The following PCDH15 variants were observed in gnomAD, a reference collection of about 807,000 sequenced individuals.
The protein encoded by PCDH15 is protocadherin-15.
A neutral mutation model predicts 178.5 loss-of-function variants in PCDH15; 129 were observed. The observed-to-expected ratio is 0.72, with a 90% CI of 0.63 to 0.84. The LOEUF (loss-of-function observed/expected upper bound fraction) is 0.84. Ranked by LOEUF, PCDH15 falls within the 40% of genes least tolerant of loss-of-function variation. PCDH15 has a pLI of 0.00. For missense variants in PCDH15, 2,230 were observed against 2,099.9 expected (o/e 1.06, Z -1.21); for synonymous variants, 800 against 732.0 (o/e 1.09, Z -1.50).
At chr10:54,810,201 G>A (rs1952841076) in intron 3 of PCDH15, among the ~76,000 whole-genome samples, 1 of 152,134 alleles carries the variant, frequency 6.6e-6, no homozygotes, top group South Asian at 2.1e-4. Context: ...GGCATCTTAT[G>A]ATAAGTGGGT....
At chr10:54,070,969 G>A (rs2094230664) in intron 17 of PCDH15, among the ~76,000 whole-genome samples, 1 of 152,050 alleles carries the variant, frequency 6.6e-6, no homozygotes. Context: ...GTCAAAGAAA[G>A]TAGTGTAAAT....
chr10:54,161,969 C>T (rs777226694), intron 13 of PCDH15, among the ~76,000 whole-genome samples: 12 of 152,228 alleles, frequency 7.9e-5, no homozygotes, highest in Non-Finnish European at 7.4e-5. Flanking sequence ...GTGAAGCAAG[C>T]AGCAGGACCT....
chr10:55,626,671 CTTTT>C (rs889297933), intron 2 of PCDH15, among the ~76,000 whole-genome samples: 1 of 152,076 alleles, frequency 6.6e-6, no homozygotes, highest in African/African-American at 2.4e-5. Context: ...AATCAAGGGC[CTTTT>C]CTAACAATTC....
intron 3 of PCDH15, among the ~76,000 whole-genome samples, chr10:54,831,846 C>G (rs1342795656): frequency 6.6e-6 from 1 of 151,938 alleles, no homozygotes; most frequent in African/African-American, 2.4e-5. Flanking sequence ...AAATAAAAGA[C>G]AAAGTATAAA....
At chr10:54,300,410 C>CA (rs2060078950) in intron 8 of PCDH15, among the ~76,000 whole-genome samples, 1 of 152,184 alleles carries the variant, frequency 6.6e-6, no homozygotes, top group Non-Finnish European at 1.5e-5. Flanking sequence ...GATAGTCTTA[C>CA]AAATGGAACC....
intron 1 of PCDH15, among the ~76,000 whole-genome samples, chr10:54,751,697 G>T (rs1330504994): frequency 6.6e-6 from 1 of 151,992 alleles, no homozygotes; most frequent in Non-Finnish European, 1.5e-5. Flanking sequence ...GTTACATCAA[G>T]AAAACAGATT....
At chr10:54,914,259 T>C (rs1275487918) in intron 2 of PCDH15, among the ~76,000 whole-genome samples, 1 of 152,106 alleles carries the variant, frequency 6.6e-6, no homozygotes, top group East Asian at 1.9e-4. Context: ...GTTCTCATGA[T>C]AGGGAGTGAG....
intron 2 of PCDH15, among the ~76,000 whole-genome samples, chr10:54,643,881 A>C (rs1163434087): frequency 1.3e-5 from 2 of 149,366 alleles, no homozygotes; most frequent in African/African-American, 4.9e-5. Context: ...GGTTAGTTAC[A>C]TATGTATACA....
intron 2 of PCDH15, among the ~76,000 whole-genome samples, chr10:54,562,406 G>A (rs1232111478): frequency 1.3e-5 from 2 of 152,064 alleles, no homozygotes; most frequent in Non-Finnish European, 2.9e-5. Flanking sequence ...ACTCAATATT[G>A]ATATCAAGAA....
intron 1 of PCDH15, among the ~76,000 whole-genome samples, chr10:54,702,513 G>C (rs1218934590): frequency 7.0e-6 from 1 of 143,426 alleles, no homozygotes; most frequent in African/African-American, 2.6e-5. Flanking sequence ...AAATGACAAA[G>C]GGGACATTAC....
At chr10:54,817,006 G>C (rs960773180) in intron 3 of PCDH15, among the ~76,000 whole-genome samples, 2 of 152,016 alleles carry the variant, frequency 1.3e-5, no homozygotes, top group Non-Finnish European at 2.9e-5. Context: ...AGGATGTTCT[G>C]TATTTAATTG....
chr10:54,503,627 G>C (rs2080917575), intron 3 of PCDH15, among the ~76,000 whole-genome samples: 4 of 151,704 alleles, frequency 2.6e-5, no homozygotes. Flanking sequence ...AGACATACAA[G>C]AATTTACCTA....
chr10:54,279,421 ATAAT>A (rs2058543125), intron 8 of PCDH15, among the ~76,000 whole-genome samples: 1 of 151,666 alleles, frequency 6.6e-6, no homozygotes, highest in African/African-American at 2.4e-5. Context: ...CTATATACTA[ATAAT>A]TAAATAACTT....
intron 3 of PCDH15, among the ~76,000 whole-genome samples, chr10:54,451,984 T>C (rs2076509120): frequency 6.6e-6 from 1 of 151,968 alleles, no homozygotes; most frequent in Non-Finnish European, 1.5e-5. Context: ...TTAATTTGCT[T>C]GATGCCAGGA....
At chr10:54,631,347 CT>C (rs1204877523) in intron 2 of PCDH15, among the ~76,000 whole-genome samples, 2 of 152,034 alleles carry the variant, frequency 1.3e-5, no homozygotes, top group African/African-American at 4.8e-5. Flanking sequence ...AATTCAATCT[CT>C]TTTTTAAAAA....
chr10:54,260,210 G>A (rs2057208416), intron 8 of PCDH15, among the ~76,000 whole-genome samples: 2 of 152,096 alleles, frequency 1.3e-5, no homozygotes, highest in African/African-American at 2.4e-5. Context: ...TTATAGTTTT[G>A]TCACGAGTTT....
intron 1 of PCDH15, among the ~76,000 whole-genome samples, chr10:54,698,566 G>T (rs1422230059): frequency 6.6e-6 from 1 of 152,092 alleles, no homozygotes; most frequent in Admixed American, 6.6e-5. Flanking sequence ...CTGCAGCTGT[G>T]CTGCCTTACA....
intron 2 of PCDH15, among the ~76,000 whole-genome samples, chr10:55,040,390 C>T (rs868359928): frequency 6.6e-6 from 1 of 151,970 alleles, no homozygotes; most frequent in African/African-American, 2.4e-5. Flanking sequence ...GACTGTTCTT[C>T]CTTGTTTTAC....
chr10:54,458,773 T>G (rs1477155053), intron 3 of PCDH15, among the ~76,000 whole-genome samples: 1 of 152,146 alleles, frequency 6.6e-6, no homozygotes, highest in Non-Finnish European at 1.5e-5. Context: ...AAACAACGTA[T>G]TCAGGGGCCA....
Sources: allele counts gnomAD v4.1 joint callset (sites outside exome capture counted in the v4.1 genomes callset), GRCh38; gene constraint gnomAD v4.1.1; transcripts MANE v1.5; gene names NCBI Gene and HGNC (gene_info 2026-07-23, HGNC 2026-07-21).